Variants in CIB2 observed in about 807,000 individuals in gnomAD.
CIB2 encodes the protein calcium and integrin binding family member 2.
CIB2 carries 19 observed loss-of-function variants against 23.1 expected under a neutral mutation model. That is an observed-to-expected ratio of 0.82 (90% CI 0.57 to 1.21). The LOEUF (loss-of-function observed/expected upper bound fraction) is 1.21, where lower values mean the gene tolerates loss of function less well. CIB2 is among the 50% of genes most tolerant of loss of function. The pLI is 0.00. For missense variants in CIB2, 220 were observed against 241.5 expected (o/e 0.91, Z 0.59); for synonymous variants, 94 against 91.7 (o/e 1.03, Z -0.14).
chr15:78,120,705 T>C, intron 2 of CIB2: 1 of 985,484 alleles, frequency 1.0e-6, no homozygotes. Flanking sequence ...GGAGGCGGGC[T>C]ATCTGTGACT....
chr15:78,106,429 G>C (rs1299079475), intron 4 of CIB2, among the ~76,000 whole-genome samples: 1 of 152,188 alleles, frequency 6.6e-6, no homozygotes, highest in Admixed American at 6.5e-5. Flanking sequence ...TGCCTCAGTG[G>C]TGTGTGACCA....
At chr15:78,115,406 C>T (rs1464591026) in intron 2 of CIB2, among the ~76,000 whole-genome samples, 4 of 151,896 alleles carry the variant, frequency 2.6e-5, no homozygotes, top group Non-Finnish European at 5.9e-5. Flanking sequence ...ATTACAGGGG[C>T]ATGCGACCAC....
intron 3 of CIB2, among the ~76,000 whole-genome samples, 166 bp downstream of exon 3, chr15:78,110,999 T>C (rs2074150239): frequency 6.6e-6 from 1 of 152,168 alleles, no homozygotes; most frequent in African/African-American, 2.4e-5. Context: ...ATAGCTTATT[T>C]ATTCAGAGTA....
At chr15:78,126,460 A>C (rs1259113293) in intron 1 of CIB2, among the ~76,000 whole-genome samples, 2 of 151,994 alleles carry the variant, frequency 1.3e-5, no homozygotes, top group Admixed American at 6.5e-5. Flanking sequence ...TTTTCTTTTT[A>C]ATGGGAGTAG....
chr15:78,128,518 A>T (rs1406792872), intron 1 of CIB2, among the ~76,000 whole-genome samples: 2 of 152,254 alleles, frequency 1.3e-5, no homozygotes, highest in South Asian at 4.1e-4. Flanking sequence ...TTTTACTAAA[A>T]ATACAAAAAT....
At chr15:78,120,634 C>G (rs1411616980) in intron 2 of CIB2, 1 of 982,626 alleles carries the variant, frequency 1.0e-6, no homozygotes, top group Non-Finnish European at 1.2e-6. Context: ...AATGCAGGAG[C>G]TGTGTCCTGG....
chr15:78,114,531 A>G (rs1212242433), intron 2 of CIB2, among the ~76,000 whole-genome samples: 1 of 152,042 alleles, frequency 6.6e-6, no homozygotes, highest in Middle Eastern at 3.2e-3. Context: ...AAATGTGAAA[A>G]CTCTCACTTT....
chr15:78,114,892 TC>T, intron 2 of CIB2, among the ~76,000 whole-genome samples: 1 of 148,510 alleles, frequency 6.7e-6, no homozygotes, highest in Middle Eastern at 3.2e-3. Flanking sequence ...TGAGACCCTG[TC>T]TCTAAAAAAA....
chr15:78,107,190 G>A (rs1032082656), intron 4 of CIB2, among the ~76,000 whole-genome samples: 1 of 152,094 alleles, frequency 6.6e-6, no homozygotes, highest in Non-Finnish European at 1.5e-5. Flanking sequence ...AGCTGAGATC[G>A]CACCACTGCA....
At chr15:78,127,185 T>G (rs1014112562) in intron 1 of CIB2, among the ~76,000 whole-genome samples, 4 of 152,202 alleles carry the variant, frequency 2.6e-5, no homozygotes, top group Non-Finnish European at 5.9e-5. Context: ...CCAGAGTCGG[T>G]AGCTCTGCTG....
Position 78,105,129 on chromosome 15 carries a change from C to G in CIB2, c.*182G>C, listed in dbSNP as rs2074046059. 1 of 821,750 alleles carries G rather than the reference C, an allele frequency of 1.2e-6. No homozygotes were observed. The highest frequency in any genetic ancestry group is 1.9e-6 in the Non-Finnish European group (1 of 531,764). 50.9% of individuals were successfully genotyped at this position (821,750 alleles called of 1,614,324 possible). A position where few individuals can be genotyped will look rare whatever the true frequency, so the allele number is the denominator to read the frequency against. On this transcript the variant is annotated 3_prime_UTR_variant, in exon 6 of 6. Transcript: ENST00000258930. Reference sequence around the variant, plus strand: ...ACCACAGCGGGGCTGTGGGAAGGGTCCTAACCTTCACAGGCCCCCTTCCTG... The same window carrying G: ...ACCACAGCGGGGCTGTGGGAAGGGTGCTAACCTTCACAGGCCCCCTTCCTG...
At chr15:78,109,977 C>G (rs1179214510) in intron 3 of CIB2, among the ~76,000 whole-genome samples, 1 of 152,124 alleles carries the variant, frequency 6.6e-6, no homozygotes, top group Non-Finnish European at 1.5e-5. Flanking sequence ...AAGATGACAG[C>G]CCAGGGCACT....
intron 2 of CIB2, among the ~76,000 whole-genome samples, chr15:78,118,823 A>G (rs2074277946): frequency 1.3e-5 from 2 of 152,030 alleles, no homozygotes; most frequent in South Asian, 4.1e-4. Flanking sequence ...GTACTAATCA[A>G]TAAGTTCCCA....
At chr15:78,117,246 C>CAAAAAAAAAAAAAAAAAAAAAAAAAAAA (rs60332437) in intron 2 of CIB2, among the ~76,000 whole-genome samples, 3 of 55,480 alleles carry the variant, frequency 5.4e-5, no homozygotes, top group African/African-American at 8.9e-5. Context: ...AAGCTACTGG[C>CAAAAAAAAAAAAAAAAAAAAAAAAAAAA]AAAAAAAAAA....
intron 1 of CIB2, among the ~76,000 whole-genome samples, chr15:78,126,154 T>G (rs1168202581): frequency 1.4e-5 from 2 of 138,872 alleles, no homozygotes; most frequent in Non-Finnish European, 3.1e-5. Context: ...CCCCCCCTTT[T>G]TTTTTTGAGA....
At chr15:78,119,581 T>A (rs1784776313) in intron 2 of CIB2, among the ~76,000 whole-genome samples, 1 of 152,168 alleles carries the variant, frequency 6.6e-6, no homozygotes, top group Admixed American at 6.5e-5. Flanking sequence ...ACTTTTTTTT[T>A]TTTGAGATGG....
chr15:78,117,962 G>C (rs2074262754), intron 2 of CIB2, among the ~76,000 whole-genome samples: 1 of 152,176 alleles, frequency 6.6e-6, no homozygotes, highest in South Asian at 2.1e-4. Flanking sequence ...GCAGTTATGT[G>C]AATGGTACCA....
At chr15:78,126,644 T>C (rs2074385464) in intron 1 of CIB2, among the ~76,000 whole-genome samples, 1 of 152,302 alleles carries the variant, frequency 6.6e-6, no homozygotes. Flanking sequence ...TACAGGCTTG[T>C]GGGATGAGTG....
rs763437985 is a variant in CIB2 at position 78,111,116 on chromosome 15, GT to G, written c.198+48del. ...CTAGACCTGGGGGCCTCTGCTGCTGGTCCAGAGGCACAGATCCCCTGCTCGC... is the reference window on the plus strand; with the variant it reads ...CTAGACCTGGGGGCCTCTGCTGCTGGCCAGAGGCACAGATCCCCTGCTCGC... On this transcript the variant is annotated intron_variant, in intron 3 of 5. Coordinates refer to ENST00000258930, the MANE Select transcript of CIB2 (RefSeq NM_006383.4). The G allele has an allele frequency of 1.1e-5, 17 of 1,519,780 alleles. No individual in the cohort carries two copies. The Admixed American group carries it at 1.7e-4, about 15-fold the overall frequency. 94.1% of individuals were successfully genotyped at this position (1,519,780 alleles called of 1,614,324 possible).
Sources: allele counts gnomAD v4.1 joint callset (sites outside exome capture counted in the v4.1 genomes callset), GRCh38; gene constraint gnomAD v4.1.1; transcripts MANE v1.5; gene names NCBI Gene and HGNC (gene_info 2026-07-23, HGNC 2026-07-21).